Variants in EIF4E3 observed in about 807,000 individuals in gnomAD.
The protein encoded by EIF4E3 is eukaryotic translation initiation factor 4E type 3.
Under a neutral mutation model 31.7 loss-of-function variants are expected in EIF4E3, and 26 were observed. The observed-to-expected ratio is 0.82, with a 90% CI of 0.60 to 1.14. The LOEUF (loss-of-function observed/expected upper bound fraction) is 1.14. Among genes scored for constraint, EIF4E3 ranks in the 50% most tolerant of loss-of-function variants. EIF4E3 has a pLI of 0.00. For missense variants in EIF4E3, 304 were observed against 270.9 expected (o/e 1.12, Z -0.86); for synonymous variants, 128 against 107.7 (o/e 1.19, Z -1.17).
At chr3:71,724,335 C>T (rs2049595048) in intron 1 of EIF4E3, among the ~76,000 whole-genome samples, 1 of 152,126 alleles carries the variant, frequency 6.6e-6, no homozygotes, top group Non-Finnish European at 1.5e-5. Flanking sequence ...TTATCCTTAA[C>T]TGAGGGGAGG....
At chr3:71,663,167 C>T in the EIF4E3 span, among the ~76,000 whole-genome samples, 2 of 152,000 alleles carry the variant, frequency 1.3e-5, no homozygotes, top group Non-Finnish European at 2.9e-5. Context: ...CTTGGAGGTG[C>T]GGGAGGGGAT....
chr3:71,751,338 C>A (rs561587006), intron 1 of EIF4E3, among the ~76,000 whole-genome samples: 1 of 152,286 alleles, frequency 6.6e-6, no homozygotes, highest in South Asian at 2.1e-4. Context: ...GCCTCCTCTG[C>A]AAAATGAAGA....
At chr3:71,706,581 T>A (rs1459566258) in intron 2 of EIF4E3, among the ~76,000 whole-genome samples, 1 of 150,980 alleles carries the variant, frequency 6.6e-6, no homozygotes, top group Non-Finnish European at 1.5e-5. Context: ...CTTTGGGAGG[T>A]CAAGGAGGGA....
chr3:71,665,041 T>C, the EIF4E3 span, among the ~76,000 whole-genome samples: 1 of 152,244 alleles, frequency 6.6e-6, no homozygotes, highest in Non-Finnish European at 1.5e-5. Flanking sequence ...TTTTTTCTTA[T>C]AAGAATCTTA....
At chr3:71,732,502 G>A (rs1487398459) in intron 1 of EIF4E3, among the ~76,000 whole-genome samples, 1 of 152,172 alleles carries the variant, frequency 6.6e-6, no homozygotes, top group Non-Finnish European at 1.5e-5. Flanking sequence ...GAATTCCACT[G>A]ATTGGAGGAG....
chr3:71,672,316 A>G (rs11917676), downstream of EIF4E3, among the ~76,000 whole-genome samples: 1,328 of 152,298 alleles, frequency 8.7e-3, 15 homozygotes, highest in African/African-American at 0.031. Context: ...TACTTCCTCT[A>G]GGTTCTTCTA....
At position 71,693,925 on chromosome 3, in the gene EIF4E3, T is replaced by C. The variant is rs2049098412; in HGVS notation, c.422A>G (p.Glu141Gly). ...PKDSTSTVWK[E>G]LLLATIGEQF... The stretch of plus-strand genomic sequence containing the variant: ...TTCCCCGATGGTTGCTAACAGCAAC[T>C]CTTTCCAAACTGTGGACTGATATGG... The change falls in exon 5 of 7, where the codon GAG (glutamate) becomes GGG (glycine). Residue 141 changes from glutamate (E) to glycine (G), a missense_variant. Glu to Gly is a moderately conservative substitution (Grantham distance 98). Transcript: ENST00000425534. 6.3e-7 allele frequency: 1 copy of C among 1,584,920 alleles called. No individual in the cohort carries two copies. The highest frequency in any genetic ancestry group is 1.8e-5 in the Admixed American group (1 of 56,182).
chr3:71,662,761 C>A, the EIF4E3 span, among the ~76,000 whole-genome samples: 1 of 151,906 alleles, frequency 6.6e-6, no homozygotes, highest in African/African-American at 2.4e-5. Flanking sequence ...TGCTGAGTTT[C>A]CTGTGAATAC....
intron 1 of EIF4E3, among the ~76,000 whole-genome samples, chr3:71,738,504 G>C (rs770077118): frequency 2.0e-5 from 3 of 152,288 alleles, no homozygotes; most frequent in Admixed American, 2.0e-4. Context: ...ACAAAGTTAA[G>C]AGTAGCTATA....
At chr3:71,672,339 G>T (rs2048850803), downstream of EIF4E3, among the ~76,000 whole-genome samples, 1 of 152,070 alleles carries the variant, frequency 6.6e-6, no homozygotes, top group African/African-American at 2.4e-5. Flanking sequence ...TGGAAACTTT[G>T]CTCTTGAGAA....
At chr3:71,753,257 C>T (rs2049953249) in intron 1 of EIF4E3, among the ~76,000 whole-genome samples, 1 of 152,224 alleles carries the variant, frequency 6.6e-6, no homozygotes, top group Admixed American at 6.5e-5. Context: ...CACACTGCCA[C>T]CCACATCAGT....
rs956791341 is a variant in EIF4E3, at chr3:71,683,395, A to T, written c.*1287T>A. The T allele has an allele frequency of 6.6e-6, 1 of 152,250 alleles. No individual in the cohort carries two copies. The highest frequency in any genetic ancestry group is 1.5e-5 in the Non-Finnish European group (1 of 68,062). 9.4% of individuals were successfully genotyped at this position (152,250 alleles called of 1,614,324 possible). Reference sequence around the variant, plus strand: ...CGTGACTCCAAAGCCGACTGGGGGAAGTGTCTTCAGATGGCCCTGCCCTTT... The same window carrying T: ...CGTGACTCCAAAGCCGACTGGGGGATGTGTCTTCAGATGGCCCTGCCCTTT... On this transcript the variant is annotated 3_prime_UTR_variant, in exon 7 of 7. Coordinates refer to ENST00000425534, the MANE Select transcript of EIF4E3 (RefSeq NM_001134651.2).
chr3:71,659,930 T>A, the EIF4E3 span, among the ~76,000 whole-genome samples: 1 of 152,162 alleles, frequency 6.6e-6, no homozygotes. Context: ...CTAGAAGTAA[T>A]CTAGGACTTT....
In EIF4E3 at chr3:71,710,489, G is replaced by A; in HGVS notation, c.177-5C>T. On this transcript the variant is annotated splice_polypyrimidine_tract_variant and splice_region_variant and intron_variant, in intron 1 of 6. Transcript: ENST00000425534. ...GCTGTGGCACCAGGGAGGGATCTAG[G>A]CAAGCAGGAGCAGGACAAAGACACA... The A allele has an allele frequency of 1.3e-6, 2 of 1,551,984 alleles. No homozygotes were observed. The highest frequency in any genetic ancestry group is 3.9e-5 in the Admixed American group (2 of 51,004).
chr3:71,702,406 C>T (rs148830560), intron 2 of EIF4E3, among the ~76,000 whole-genome samples: 2 of 152,194 alleles, frequency 1.3e-5, no homozygotes, highest in South Asian at 2.1e-4. Context: ...TGCCGTCATA[C>T]CCCGGTCAAA....
chr3:71,754,441 C>T, upstream of EIF4E3: 1 of 1,348,724 alleles, frequency 7.4e-7, no homozygotes. The surrounding 1 kb of genome is among the most constrained non-coding windows in gnomAD (Gnocchi z 5.8). Context: ...CGCTTCTATG[C>T]AGAGCGCCTG....
At chr3:71,665,650 ATTC>A in the EIF4E3 span, among the ~76,000 whole-genome samples, 4 of 152,304 alleles carry the variant, frequency 2.6e-5, no homozygotes, top group South Asian at 8.3e-4. Context: ...TAGAATATAC[ATTC>A]TTCTCAGCAC....
In EIF4E3 at chr3:71,725,395, G is replaced by T. The variant is rs1395329365; in HGVS notation, c.-28C>A. The T allele has an allele frequency of 1.0e-6, 1 of 977,840 alleles. No homozygotes were observed. The highest frequency in any genetic ancestry group is 1.8e-5 in the African/African-American group (1 of 56,414). 60.6% of individuals were successfully genotyped at this position (977,840 alleles called of 1,614,324 possible). A position where few individuals can be genotyped will look rare whatever the true frequency, so the allele number is the denominator to read the frequency against. On this transcript the variant is annotated 5_prime_UTR_variant, in exon 1 of 7. Transcript: ENST00000425534. The surrounding 1 kb of genome is among the most constrained non-coding windows in gnomAD (Gnocchi z 6.1). ...TCTCCGCCCCGCCTGCAAGGCCGGC[G>T]GACGCGCGGACCGCGGGGCGAGCGC...
chr3:71,714,411 G>C (rs1333515154), intron 1 of EIF4E3, among the ~76,000 whole-genome samples: 2 of 152,202 alleles, frequency 1.3e-5, no homozygotes, highest in East Asian at 1.9e-4. Flanking sequence ...TCTTCATGGA[G>C]GAGGGTGATT....
Sources: gnomAD v4.1 joint callset for allele counts (sites outside exome capture counted in the v4.1 genomes callset) on GRCh38, gnomAD v4.1.1 for gene constraint, Gnocchi (gnomAD v3.1) non-coding constraint, MANE v1.5 for transcripts, NCBI Gene and HGNC (gene_info 2026-07-23, HGNC 2026-07-21) for gene names.